Variants in ENOX1 observed in about 807,000 individuals in gnomAD.
The protein encoded by ENOX1 is candidate growth-related and time keeping constitutive hydroquinone (NADH) oxidase.
A neutral mutation model predicts 82.5 loss-of-function variants in ENOX1; 42 were observed. The ratio of observed to expected loss-of-function variants is 0.51; its 90% confidence interval spans 0.40 to 0.66. The LOEUF is 0.66. Ranked by LOEUF, ENOX1 falls within the 30% of genes least tolerant of loss-of-function variation. ENOX1 has a pLI of 0.00. For synonymous variants in ENOX1, 271 were observed against 282.2 expected, an observed-to-expected ratio of 0.96 and a Z score of 0.40; for missense variants, 608 against 811.6, an observed-to-expected ratio of 0.75 and a Z score of 3.05.
intron 5 of ENOX1, among the ~76,000 whole-genome samples, chr13:43,407,298 C>G (rs1392844541): frequency 6.6e-6 from 1 of 152,126 alleles, no homozygotes; most frequent in Non-Finnish European, 1.5e-5. Context: ...TCAGCACAAA[C>G]ATAAACAAAA....
intron 3 of ENOX1, among the ~76,000 whole-genome samples, chr13:43,431,537 A>G (rs947975445): frequency 1.3e-5 from 2 of 152,188 alleles, no homozygotes; most frequent in Non-Finnish European, 1.5e-5. Flanking sequence ...TTGATAAATT[A>G]GTCATCCATG....
intron 5 of ENOX1, among the ~76,000 whole-genome samples, chr13:43,365,813 G>A (rs2050810790): frequency 6.6e-6 from 1 of 152,230 alleles, no homozygotes; most frequent in Non-Finnish European, 1.5e-5. Context: ...CAGGGCTCCA[G>A]AGCCCCCTTC....
At chr13:43,553,167 G>A (rs35354141) in intron 2 of ENOX1, among the ~76,000 whole-genome samples, 59,384 of 151,956 alleles carry the variant, frequency 0.39, 13,903 homozygotes, top group Non-Finnish European at 0.54. Flanking sequence ...ACACAAAAAC[G>A]AAATACAGCA....
At chr13:43,369,883 A>G (rs2051107001) in intron 5 of ENOX1, among the ~76,000 whole-genome samples, 1 of 152,198 alleles carries the variant, frequency 6.6e-6, no homozygotes, top group Non-Finnish European at 1.5e-5. Context: ...GCAGATGCCT[A>G]CTGGGGGTCT....
intron 2 of ENOX1, among the ~76,000 whole-genome samples, chr13:43,502,451 A>C (rs184804532): frequency 1.1e-4 from 16 of 151,826 alleles, no homozygotes; most frequent in African/African-American, 3.9e-4. Flanking sequence ...TTAATGTAAA[A>C]ATTTTCAACA....
chr13:43,544,757 C>T (rs1024353510), intron 2 of ENOX1: 2 of 152,174 alleles, frequency 1.3e-5, no homozygotes, highest in Non-Finnish European at 2.9e-5. Context: ...CAGTAAGCGT[C>T]ACCTTACCTG....
rs938914615 is a variant in ENOX1, at chr13:43,436,983, C to T, written c.-74-23995G>A. ...CAAGTAATAAATGGAACCAAGGACA[C>T]GAGGGTAAAGACAAACACCAGTGTG... On this transcript the variant is annotated intron_variant, in intron 3 of 16. Coordinates refer to ENST00000690772, the MANE Select transcript of ENOX1 (RefSeq NM_001347969.2). 5.3e-5 allele frequency among the ~76,000 whole-genome samples: 8 copies of T among 151,870 alleles called. No individual in the cohort carries two copies. The East Asian group carries it at 7.7e-4, about 15-fold the overall frequency.
chr13:43,485,902 C>A (rs960100474), intron 2 of ENOX1, among the ~76,000 whole-genome samples: 4 of 152,148 alleles, frequency 2.6e-5, no homozygotes, highest in African/African-American at 4.8e-5. Context: ...GTGGTGAAAC[C>A]CTGTCTTTAC....
intron 1 of ENOX1, among the ~76,000 whole-genome samples, chr13:43,754,356 T>A (rs905074429): frequency 2.0e-5 from 3 of 149,358 alleles, no homozygotes; most frequent in Non-Finnish European, 3.0e-5. Flanking sequence ...ATTATTTATT[T>A]TTTTTTTTTA....
intron 2 of ENOX1, among the ~76,000 whole-genome samples, chr13:43,532,908 T>G (rs950102899): frequency 6.6e-6 from 1 of 150,914 alleles, no homozygotes; most frequent in Non-Finnish European, 1.5e-5. Context: ...ATATTAAAAT[T>G]TTCTATTTTC....
At chr13:43,621,029 T>C (rs2082704232) in intron 2 of ENOX1, among the ~76,000 whole-genome samples, 1 of 152,232 alleles carries the variant, frequency 6.6e-6, no homozygotes, top group Non-Finnish European at 1.5e-5. Context: ...GTTGTTGCTT[T>C]AAAGTTTGTT....
intron 1 of ENOX1, among the ~76,000 whole-genome samples, chr13:43,773,332 A>G (rs527312006): frequency 1.3e-5 from 2 of 152,338 alleles, no homozygotes; most frequent in African/African-American, 4.8e-5. Flanking sequence ...ATTTTGTGTC[A>G]TGTGAATTTC....
chr13:43,704,536 T>A (rs1223227308), intron 1 of ENOX1, among the ~76,000 whole-genome samples: 1 of 152,138 alleles, frequency 6.6e-6, no homozygotes, highest in Non-Finnish European at 1.5e-5. Context: ...ATAGGTGGAA[T>A]TCAAGCAGAA....
At chr13:43,316,247 T>A (rs535182711) in intron 11 of ENOX1, among the ~76,000 whole-genome samples, 3 of 152,270 alleles carry the variant, frequency 2.0e-5, no homozygotes, top group Admixed American at 6.5e-5. Context: ...CAGGTATGGA[T>A]TGTTTAAGAA....
chr13:43,686,630 C>T (rs886443484), intron 1 of ENOX1, among the ~76,000 whole-genome samples: 1 of 152,158 alleles, frequency 6.6e-6, no homozygotes, highest in Non-Finnish European at 1.5e-5. Context: ...GACTCTGAGA[C>T]CTTACACACA....
At chr13:43,506,105 G>T (rs150092764) in intron 2 of ENOX1, among the ~76,000 whole-genome samples, 1 of 151,892 alleles carries the variant, frequency 6.6e-6, no homozygotes, top group Non-Finnish European at 1.5e-5. Context: ...TCTTCCATTG[G>T]TCTATATCTC....
chr13:43,701,301 C>T (rs114855999), intron 1 of ENOX1, among the ~76,000 whole-genome samples: 2,226 of 152,136 alleles, frequency 0.015, 51 homozygotes, highest in African/African-American at 0.049. Flanking sequence ...TTGTGGTGAC[C>T]CATCTTAGTT....
At chr13:43,597,232 C>A (rs1243701849) in intron 2 of ENOX1, among the ~76,000 whole-genome samples, 2 of 152,176 alleles carry the variant, frequency 1.3e-5, no homozygotes, top group East Asian at 3.9e-4. Context: ...CCCACCAGGG[C>A]CCTCCTCCGA....
intron 2 of ENOX1, among the ~76,000 whole-genome samples, chr13:43,657,446 C>T (rs867468343): frequency 3.3e-5 from 5 of 152,154 alleles, no homozygotes; most frequent in Non-Finnish European, 5.9e-5. Context: ...GTAGCAGGTG[C>T]CTCTGGGCAG....
Sources: allele counts gnomAD v4.1 joint callset (sites outside exome capture counted in the v4.1 genomes callset), GRCh38; gene constraint gnomAD v4.1.1; transcripts MANE v1.5; gene names NCBI Gene and HGNC (gene_info 2026-07-23, HGNC 2026-07-21).